Variants in SLC35F4 observed in about 807,000 individuals in gnomAD.
SLC35F4 encodes the protein chromosome 14 open reading frame 36.
SLC35F4 carries 24 observed loss-of-function variants against 44.2 expected under a neutral mutation model. The ratio of observed to expected loss-of-function variants is 0.54; its 90% CI spans 0.39 to 0.76. SLC35F4 has a LOEUF of 0.76. Among genes scored for constraint, SLC35F4 ranks in the 30% least tolerant of loss-of-function variants. SLC35F4 has a pLI of 0.00. For synonymous variants in SLC35F4, 238 were observed against 223.6 expected, an observed-to-expected ratio of 1.06 and a Z score of -0.57; for missense variants, 562 against 586.1, an observed-to-expected ratio of 0.96 and a Z score of 0.42.
intron 1 of SLC35F4, among the ~76,000 whole-genome samples, chr14:57,716,180 G>A (rs1025816970): frequency 3.3e-5 from 5 of 152,126 alleles, no homozygotes; most frequent in African/African-American, 9.7e-5. Context: ...ATTAGGGGAG[G>A]GGGCATGGAC....
At chr14:57,940,417 T>C (rs1889896432) in intron 1 of SLC35F4, among the ~76,000 whole-genome samples, 2 of 152,140 alleles carry the variant, frequency 1.3e-5, no homozygotes, top group African/African-American at 4.8e-5. Context: ...TTTTTTTAAG[T>C]TGAAGCTTTC....
intron 1 of SLC35F4, among the ~76,000 whole-genome samples, chr14:57,857,900 T>C (rs934482617): frequency 6.6e-6 from 1 of 151,994 alleles, no homozygotes; most frequent in Non-Finnish European, 1.5e-5. Context: ...CAAAAGAGCA[T>C]GGGCACAATA....
chr14:57,904,491 C>T (rs974856087), intron 1 of SLC35F4, among the ~76,000 whole-genome samples: 2 of 152,184 alleles, frequency 1.3e-5, no homozygotes, highest in African/African-American at 4.8e-5. Context: ...AGTGAATGAG[C>T]AAGAAGTTTA....
chr14:57,580,575 T>A (rs767090476), intron 4 of SLC35F4: 1 of 351,828 alleles, frequency 2.8e-6, no homozygotes, highest in South Asian at 2.3e-5. Context: ...TAAATATATA[T>A]GTTTTTAATC....
intron 1 of SLC35F4, among the ~76,000 whole-genome samples, chr14:57,650,752 G>T (rs1417337321): frequency 6.6e-6 from 1 of 152,068 alleles, no homozygotes; most frequent in East Asian, 1.9e-4. Context: ...AGTCCTCCGT[G>T]GTCCATCCCT....
intron 1 of SLC35F4, among the ~76,000 whole-genome samples, chr14:57,929,898 C>T (rs1335983261): frequency 6.6e-6 from 1 of 152,102 alleles, no homozygotes; most frequent in Non-Finnish European, 1.5e-5. Context: ...TCATCAACAC[C>T]GACAGTCTGG....
rs115730768 is a variant in SLC35F4 at position 57,576,647 on chromosome 14, G to T, written c.807+4567C>A. On this transcript the variant is annotated intron_variant, in intron 4 of 7. Coordinates refer to ENST00000556826, the MANE Select transcript of SLC35F4 (RefSeq NM_001306087.2). Reference sequence around the variant, plus strand: ...AGTGCTGAAATGTGAAAAATAAGAGGTGTGGCAATCTATAGCTGTCCAGAT... The same window carrying T: ...AGTGCTGAAATGTGAAAAATAAGAGTTGTGGCAATCTATAGCTGTCCAGAT... 2.1e-3 allele frequency among the ~76,000 whole-genome samples: 314 copies of T among 146,334 alleles called. 1 individual carries two copies. The highest frequency in any genetic ancestry group is 7.4e-3 in the African/African-American group (301 of 40,626).
chr14:57,677,503 G>A (rs2074736203), intron 1 of SLC35F4, among the ~76,000 whole-genome samples: 1 of 152,060 alleles, frequency 6.6e-6, no homozygotes. Flanking sequence ...TAGATGGTGT[G>A]TATATAGGTA....
chr14:57,949,766 A>T (rs1487047498), intron 1 of SLC35F4, among the ~76,000 whole-genome samples: 1 of 152,154 alleles, frequency 6.6e-6, no homozygotes, highest in Admixed American at 6.6e-5. Context: ...AAAAACTTTT[A>T]TCTCTCCTTC....
intron 1 of SLC35F4, among the ~76,000 whole-genome samples, chr14:57,795,719 T>C (rs1281199225): frequency 1.3e-5 from 2 of 152,164 alleles, no homozygotes; most frequent in Admixed American, 6.5e-5. Flanking sequence ...AAATGATATA[T>C]ATTCTAGTAT....
intron 1 of SLC35F4, among the ~76,000 whole-genome samples, chr14:57,978,897 T>C (rs1881292920): frequency 6.6e-6 from 1 of 152,192 alleles, no homozygotes; most frequent in Non-Finnish European, 1.5e-5. Flanking sequence ...AGAAAGGAGA[T>C]ACTGTATTGG....
intron 1 of SLC35F4, among the ~76,000 whole-genome samples, chr14:57,770,075 G>C (rs1429639943): frequency 2.0e-5 from 3 of 152,152 alleles, no homozygotes; most frequent in Non-Finnish European, 4.4e-5. Flanking sequence ...CTAACCCAGA[G>C]ATTCATTCTG....
chr14:57,936,415 C>CA (rs199699990), intron 1 of SLC35F4, among the ~76,000 whole-genome samples: 3 of 152,180 alleles, frequency 2.0e-5, no homozygotes, highest in Non-Finnish European at 4.4e-5. Flanking sequence ...TAACTCCCCT[C>CA]AAAACATTCT....
chr14:57,701,278 GC>G (rs1412774077), intron 1 of SLC35F4, among the ~76,000 whole-genome samples: 1 of 152,080 alleles, frequency 6.6e-6, no homozygotes, highest in Non-Finnish European at 1.5e-5. Context: ...GGTTATAAGA[GC>G]AATAACATGC....
chr14:57,623,420 G>C (rs1017982364), intron 1 of SLC35F4, among the ~76,000 whole-genome samples: 1 of 152,102 alleles, frequency 6.6e-6, no homozygotes, highest in Non-Finnish European at 1.5e-5. Flanking sequence ...AAATTAACAA[G>C]GATATCCACG....
intron 1 of SLC35F4, among the ~76,000 whole-genome samples, chr14:57,926,610 T>C (rs1889575581): frequency 6.6e-6 from 1 of 151,678 alleles, no homozygotes; most frequent in Non-Finnish European, 1.5e-5. Context: ...TTGCACACTG[T>C]AAGTGAGGTA....
At chr14:57,725,279 A>G (rs1410741198) in intron 1 of SLC35F4, among the ~76,000 whole-genome samples, 1 of 152,142 alleles carries the variant, frequency 6.6e-6, no homozygotes, top group Non-Finnish European at 1.5e-5. Flanking sequence ...ACCAAGGCTG[A>G]CCTGGCTATG....
At chr14:57,962,557 T>A (rs768751923) in intron 1 of SLC35F4, among the ~76,000 whole-genome samples, 3 of 152,206 alleles carry the variant, frequency 2.0e-5, no homozygotes, top group Non-Finnish European at 2.9e-5. Context: ...GGCCTATGTG[T>A]GGGGCTCCCC....
intron 1 of SLC35F4, among the ~76,000 whole-genome samples, chr14:57,760,929 TTC>T (rs1008047541): frequency 2.7e-4 from 41 of 151,868 alleles, no homozygotes; most frequent in African/African-American, 9.6e-4. Context: ...ATCTCTCCAT[TTC>T]TCTCTCTCTC....
Sources: allele counts gnomAD v4.1 joint callset (sites outside exome capture counted in the v4.1 genomes callset), GRCh38; gene constraint gnomAD v4.1.1; transcripts MANE v1.5; gene names NCBI Gene and HGNC (gene_info 2026-07-23, HGNC 2026-07-21).